The following KIAA1217 variants were observed in gnomAD, a reference collection of about 807,000 sequenced individuals.
KIAA1217 encodes the protein sickle tail protein homolog.
A neutral mutation model predicts 163.9 loss-of-function variants in KIAA1217; 88 were observed. The observed-to-expected ratio is 0.54, with a 90% CI of 0.45 to 0.64. The LOEUF is 0.64. Ranked by LOEUF, KIAA1217 falls within the 30% of genes least tolerant of loss-of-function variation. KIAA1217 has a pLI of 0.00. For synonymous variants in KIAA1217, 903 were observed against 923.1 expected (o/e 0.98, Z 0.39); for missense variants, 2,372 against 2,475.0 (o/e 0.96, Z 0.88).
At position 24,045,264 on chromosome 10, in the gene KIAA1217, A is replaced by C. The variant is rs190968644; in HGVS notation, c.-171+37890A>C. On this transcript the variant is annotated intron_variant, in intron 2 of 18. Coordinates refer to the KIAA1217 transcript ENST00000376462. ...TGATTTTTTTCTCTCTCTCTCTCGA[A>C]GCTTTAAGGATCTCCTTCTTTATCC... 3.4e-3 allele frequency among the ~76,000 whole-genome samples: 512 copies of C among 151,992 alleles called. 2 individuals carry two copies. Among genetic ancestry groups the C allele is most frequent in the African/African-American group, 0.012 (492 of 41,486 alleles).
chr10:24,145,320 T>G (rs182863537), intron 2 of KIAA1217, among the ~76,000 whole-genome samples: 382 of 152,346 alleles, frequency 2.5e-3, no homozygotes, highest in African/African-American at 8.6e-3. Context: ...ACTTGGAGGC[T>G]TTGCTCACAA....
At chr10:24,410,664 A>G (rs2131321001) in intron 3 of KIAA1217, among the ~76,000 whole-genome samples, 1 of 152,382 alleles carries the variant, frequency 6.6e-6, no homozygotes, top group Non-Finnish European at 1.5e-5. Context: ...AGTAGCCAAC[A>G]TTGATTGGAT....
chr10:23,704,191 T>C (rs1836720302), intron 1 of KIAA1217, among the ~76,000 whole-genome samples: 1 of 123,234 alleles, frequency 8.1e-6, no homozygotes, highest in Admixed American at 8.1e-5. Context: ...TATATATATA[T>C]ATATATATAT....
intron 1 of KIAA1217, among the ~76,000 whole-genome samples, chr10:23,722,245 G>T (rs1318795496): frequency 6.6e-6 from 1 of 152,136 alleles, no homozygotes; most frequent in Non-Finnish European, 1.5e-5. Context: ...TCTCAGTTTT[G>T]CAGTTCAGTT....
chr10:23,774,663 G>A (rs563694018), intron 1 of KIAA1217, among the ~76,000 whole-genome samples: 2 of 152,210 alleles, frequency 1.3e-5, no homozygotes, highest in African/African-American at 4.8e-5. Flanking sequence ...TCAGCCAGGG[G>A]TGTCCCCAGG....
At chr10:24,010,478 C>CT (rs34076735) in intron 2 of KIAA1217, among the ~76,000 whole-genome samples, 44,091 of 145,214 alleles carry the variant, frequency 0.3, 6,851 homozygotes, top group East Asian at 0.38. Context: ...CTGATCGATC[C>CT]TTTTTTTTTT....
intron 2 of KIAA1217, among the ~76,000 whole-genome samples, chr10:24,184,755 T>C (rs1427355392): frequency 6.6e-6 from 1 of 152,180 alleles, no homozygotes; most frequent in Non-Finnish European, 1.5e-5. Flanking sequence ...CAGGAGCACA[T>C]GATTGTCCCT....
Position 24,316,277 on chromosome 10 carries a change from T to C in KIAA1217, c.355-64592T>C, listed in dbSNP as rs557965607. ...CAGCAGGAACTGTTATATAGTATTA[T>C]GTGTGTGTTTAAGGGCAGAGGGATG... On this transcript the variant is annotated intron_variant, in intron 2 of 20. Transcript: ENST00000376454. Among the ~76,000 whole-genome samples, 7 of 152,300 alleles carry C rather than the reference T, an allele frequency of 4.6e-5. No individual in the cohort carries two copies. In the East Asian group the frequency reaches 9.6e-4, roughly 21 times the overall value.
upstream of KIAA1217, among the ~76,000 whole-genome samples, chr10:24,207,282 TCACACACACA>T (rs71397934): frequency 8.6e-3 from 1,208 of 140,230 alleles, 9 homozygotes; most frequent in Middle Eastern, 0.05. Flanking sequence ...TCTCTCTCTC[TCACACACACA>T]CACACACACA....
intron 1 of KIAA1217, among the ~76,000 whole-genome samples, chr10:23,700,917 GA>G (rs1165082806): frequency 7.0e-5 from 9 of 129,048 alleles, no homozygotes; most frequent in African/African-American, 3.0e-4. Context: ...TAAAGGAAGA[GA>G]TTTTTTTTTT....
intron 2 of KIAA1217, among the ~76,000 whole-genome samples, chr10:24,254,287 G>A (rs565094251): frequency 1.3e-5 from 2 of 152,328 alleles, no homozygotes; most frequent in South Asian, 4.1e-4. Flanking sequence ...AAAATGATGG[G>A]AATGCAACTT....
chr10:23,807,622 A>G (rs1306952929), intron 1 of KIAA1217, among the ~76,000 whole-genome samples: 1 of 152,246 alleles, frequency 6.6e-6, no homozygotes, highest in Non-Finnish European at 1.5e-5. Context: ...TGTGTTTAGA[A>G]GGATAGGATG....
intron 1 of KIAA1217, among the ~76,000 whole-genome samples, chr10:23,849,565 C>T (rs1376966548): frequency 6.6e-6 from 1 of 152,204 alleles, no homozygotes; most frequent in East Asian, 1.9e-4. Flanking sequence ...CTGAGCTTCG[C>T]ATCTCACTCT....
At chr10:23,812,973 C>G (rs2130989304) in intron 1 of KIAA1217, among the ~76,000 whole-genome samples, 1 of 141,174 alleles carries the variant, frequency 7.1e-6, no homozygotes, top group South Asian at 2.2e-4. Context: ...AAAGGAATTG[C>G]TGGGTCTATG....
At chr10:24,023,736 A>C (rs929887357) in intron 2 of KIAA1217, among the ~76,000 whole-genome samples, 1 of 151,800 alleles carries the variant, frequency 6.6e-6, no homozygotes, top group Non-Finnish European at 1.5e-5. Context: ...TAATGAAAAC[A>C]GAATAATCAA....
At position 23,748,500 on chromosome 10, in the gene KIAA1217, A is replaced by AAGGAG. The variant is rs1160555821; in HGVS notation, c.-321+53281_-321+53285dup. 5.5e-3 allele frequency among the ~76,000 whole-genome samples: 685 copies of AAGGAG among 125,424 alleles called. 13 individuals carry two copies. Among genetic ancestry groups the AAGGAG allele is most frequent in the African/African-American group, 0.022 (654 of 30,292 alleles). The allele number at this position is 125,424 out of a possible 152,430, so 82.3% of individuals were successfully genotyped here. On this transcript the variant is annotated intron_variant, in intron 1 of 18. Coordinates refer to the KIAA1217 transcript ENST00000376462. ...AGGAAGGAAGGAAGGAAAGAAGGGA[A>AAGGAG]AGGAGAGGAGAGGAGAGGAAAGGAA... is the stretch of plus-strand genomic sequence containing the variant.
At chr10:24,035,195 T>A (rs1166406945) in intron 2 of KIAA1217, among the ~76,000 whole-genome samples, 2 of 152,186 alleles carry the variant, frequency 1.3e-5, no homozygotes, top group Non-Finnish European at 1.5e-5. Flanking sequence ...GCTCATCTGT[T>A]AAATGGAGAT....
chr10:24,133,876 T>C (rs561091589), intron 2 of KIAA1217, among the ~76,000 whole-genome samples: 5 of 152,340 alleles, frequency 3.3e-5, no homozygotes, highest in Admixed American at 2.0e-4. Context: ...ATAGAACTTT[T>C]TCTTAACTAG....
intron 1 of KIAA1217, among the ~76,000 whole-genome samples, chr10:23,851,000 T>C (rs1264699576): frequency 6.6e-6 from 1 of 151,834 alleles, no homozygotes. Context: ...CTTCCAATAC[T>C]GGGGATTACA....
Sources: gnomAD v4.1 joint callset for allele counts (sites outside exome capture counted in the v4.1 genomes callset) on GRCh38, gnomAD v4.1.1 for gene constraint, MANE v1.5 for transcripts, NCBI Gene and HGNC (gene_info 2026-07-23, HGNC 2026-07-21) for gene names.